The following CCDC181 variants were observed in gnomAD, a reference collection of about 807,000 sequenced individuals.
CCDC181 encodes the protein coiled-coil domain containing 181.
CCDC181 carries 35 observed loss-of-function variants against 58.7 expected under a neutral mutation model. That is an observed-to-expected ratio of 0.60 (90% CI 0.46 to 0.79). The LOEUF (loss-of-function observed/expected upper bound fraction) is 0.79, where lower values mean the gene tolerates loss of function less well. CCDC181 is among the 30% of genes least tolerant of loss of function. The pLI is 0.00. For synonymous variants in CCDC181, 183 were observed against 197.5 expected, an observed-to-expected ratio of 0.93 and a Z score of 0.62; for missense variants, 517 against 583.9, an observed-to-expected ratio of 0.89 and a Z score of 1.18.
chr1:169,443,218 T>C (rs1016543824), intron 2 of CCDC181: 1 of 151,988 alleles, frequency 6.6e-6, no homozygotes, highest in Non-Finnish European at 1.5e-5. Flanking sequence ...TTAAAACAAG[T>C]GCTCTAAGGA....
chr1:169,444,240 C>G (rs1657311423), intron 2 of CCDC181, among the ~76,000 whole-genome samples: 2 of 152,132 alleles, frequency 1.3e-5, no homozygotes, highest in Non-Finnish European at 2.9e-5. Context: ...TTATTTGACA[C>G]CTATGATGGT....
At chr1:169,403,458 GTC>G (rs1655470844) in intron 4 of CCDC181, among the ~76,000 whole-genome samples, 1 of 152,172 alleles carries the variant, frequency 6.6e-6, no homozygotes, top group Non-Finnish European at 1.5e-5. Context: ...ATTACAAACT[GTC>G]TCTCAGACCA....
At chr1:169,431,499 A>G (rs929267329), upstream of CCDC181, among the ~76,000 whole-genome samples, 4 of 152,226 alleles carry the variant, frequency 2.6e-5, no homozygotes, top group African/African-American at 9.6e-5. Flanking sequence ...TGGAATAGGA[A>G]GCACCAGGAA....
intron 2 of CCDC181, among the ~76,000 whole-genome samples, chr1:169,440,409 G>C (rs556264771): frequency 6.6e-6 from 1 of 152,230 alleles, no homozygotes; most frequent in South Asian, 2.1e-4. Flanking sequence ...AATTCCAATA[G>C]AGAAAGAGTA....
chr1:169,450,371 C>A (rs1020741018), intron 2 of CCDC181, among the ~76,000 whole-genome samples: 4 of 152,162 alleles, frequency 2.6e-5, no homozygotes, highest in African/African-American at 9.7e-5. Flanking sequence ...CACAAATTTC[C>A]CATTTTCCCT....
At chr1:169,420,926 A>G (rs1422026356) in intron 3 of CCDC181, among the ~76,000 whole-genome samples, 2 of 152,252 alleles carry the variant, frequency 1.3e-5, no homozygotes, top group Non-Finnish European at 2.9e-5. Context: ...TTGTAAGCAT[A>G]GAACATAACA....
Position 169,402,226 on chromosome 1 carries a change from C to T in CCDC181, c.1216-4835G>A, listed in dbSNP as rs563057767. Among the ~76,000 whole-genome samples the T allele has an allele frequency of 2.6e-5, 4 of 152,310 alleles. No individual in the cohort carries two copies. The South Asian group carries it at 6.2e-4, about 24-fold the overall frequency. ...GGGAGAACGGAACCAAGTTAGAAAA[C>T]ACTCTTCTGGATATGATCCAGGAGA... On this transcript the variant is annotated intron_variant, in intron 4 of 5. Coordinates refer to ENST00000367806, the MANE Select transcript of CCDC181 (RefSeq NM_001300969.2).
chr1:169,431,955 A>G (rs1571504485), upstream of CCDC181, among the ~76,000 whole-genome samples: 1 of 152,200 alleles, frequency 6.6e-6, no homozygotes, highest in East Asian at 1.9e-4. Context: ...GACAAACATT[A>G]AAGACTAAGA....
chr1:169,434,691 A>G (rs868055195), intron 2 of CCDC181, among the ~76,000 whole-genome samples: 7 of 152,088 alleles, frequency 4.6e-5, no homozygotes, highest in South Asian at 4.1e-4. Flanking sequence ...GCCATGTATG[A>G]AAAACCCACA....
chr1:169,459,757 T>C (rs919774005), intron 2 of CCDC181: 2 of 152,014 alleles, frequency 1.3e-5, no homozygotes, highest in African/African-American at 4.8e-5. Context: ...TCCAGGTAGC[T>C]GTTTTCTCCA....
rs374998219 is a variant in CCDC181 at position 169,394,961 on chromosome 1, A to G, written c.*86T>C. ...AAGATAAATACCATTTCCATAATTTAGAATACAACCAAAGTACACAGACCC... is the reference window on the plus strand; with the variant it reads ...AAGATAAATACCATTTCCATAATTTGGAATACAACCAAAGTACACAGACCC... On this transcript the variant is annotated 3_prime_UTR_variant, in exon 6 of 6. Transcript: ENST00000367806. 1.7e-6 allele frequency: 2 copies of G among 1,185,884 alleles called. No homozygotes were observed. The highest frequency in any genetic ancestry group is 2.5e-5 in the East Asian group (1 of 39,456). The allele number at this position is 1,185,884 out of a possible 1,614,324, so 73.5% of individuals were successfully genotyped here. A position where few individuals can be genotyped will look rare whatever the true frequency, so the allele number is the denominator to read the frequency against.
intron 2 of CCDC181, among the ~76,000 whole-genome samples, chr1:169,454,001 T>G (rs1657619298): frequency 6.6e-6 from 1 of 152,004 alleles, no homozygotes. Context: ...CTTAATCAAC[T>G]TGTTGCTTTT....
chr1:169,450,430 T>C (rs981996716), intron 2 of CCDC181, among the ~76,000 whole-genome samples: 1 of 152,192 alleles, frequency 6.6e-6, no homozygotes, highest in African/African-American at 2.4e-5. Flanking sequence ...CAATGGAGTC[T>C]TTTGCATTTG....
chr1:169,407,607 A>G (rs754396621), intron 4 of CCDC181, among the ~76,000 whole-genome samples: 2 of 152,360 alleles, frequency 1.3e-5, no homozygotes, highest in Middle Eastern at 3.4e-3. Context: ...ACTATCGATC[A>G]ATAATTATAA....
upstream of CCDC181, among the ~76,000 whole-genome samples, chr1:169,428,312 C>G (rs1430978779): frequency 6.6e-6 from 1 of 152,018 alleles, no homozygotes; most frequent in Admixed American, 6.5e-5. Flanking sequence ...TGAAAAAAGA[C>G]GCTCCCAAAA....
At chr1:169,425,334 A>AT (rs1656668701) in intron 1 of CCDC181, among the ~76,000 whole-genome samples, 1 of 152,114 alleles carries the variant, frequency 6.6e-6, no homozygotes, top group South Asian at 2.1e-4. Flanking sequence ...TTACTGAATA[A>AT]TAACTGTTAT....
intron 2 of CCDC181, among the ~76,000 whole-genome samples, chr1:169,456,021 C>G (rs1332954629): frequency 6.6e-6 from 1 of 151,828 alleles, no homozygotes; most frequent in African/African-American, 2.4e-5. Flanking sequence ...AAAGACTAGA[C>G]CCTCCTCAGT....
intron 4 of CCDC181, 198 bp downstream of exon 4, chr1:169,418,815 T>G (rs1333974530): frequency 1.9e-6 from 1 of 533,658 alleles, no homozygotes; most frequent in Non-Finnish European, 3.3e-6. Context: ...CTGAACAAAA[T>G]AGGAATCATT....
chr1:169,449,295 C>G (rs1325034163), intron 2 of CCDC181, among the ~76,000 whole-genome samples: 1 of 152,068 alleles, frequency 6.6e-6, no homozygotes, highest in Non-Finnish European at 1.5e-5. Flanking sequence ...TTTAATATGG[C>G]TAGGAGGTGG....
Sources: allele counts gnomAD v4.1 joint callset (sites outside exome capture counted in the v4.1 genomes callset), GRCh38; gene constraint gnomAD v4.1.1; transcripts MANE v1.5; gene names NCBI Gene and HGNC (gene_info 2026-07-23, HGNC 2026-07-21).